PRRC2C: variants seen among roughly 807,000 people sequenced by gnomAD.
PRRC2C encodes the protein protein PRRC2C.
In PRRC2C, 72 loss-of-function variants were observed where a neutral mutation model predicts 317.2. That is an observed-to-expected ratio of 0.23 (90% confidence interval 0.19 to 0.28). The LOEUF is 0.28. Among genes scored for constraint, PRRC2C ranks in the 10% least tolerant of loss-of-function variants. PRRC2C has a pLI of 1.00. For synonymous variants in PRRC2C, 1,296 were observed against 1,205.9 expected (o/e 1.07, Z -1.55); for missense variants, 3,074 against 3,459.7 (o/e 0.89, Z 2.80).
Position 171,532,552 on chromosome 1 carries a change from A to G in PRRC2C, c.1464A>G (p.Lys488=). 6.3e-7 allele frequency: 1 copy of G among 1,585,968 alleles called. No homozygotes were observed. The highest frequency in any genetic ancestry group is 1.2e-5 in the South Asian group (1 of 86,954). Residue 488 remains lysine (K), a synonymous_variant, in exon 12 of 35, where the codon AAA becomes AAG. Transcript: ENST00000647382. ...AGGCAGCTTGTGCGGAGAAACTGAA[A>G]CGATTGGATGAGAAGCTTGGCATCC... The part of the protein sequence containing the change: ...QRKAACAEKL[K]RLDEKLGILE...
chr1:171,573,997 T>C (rs1223842561), intron 24 of PRRC2C, among the ~76,000 whole-genome samples: 2 of 152,054 alleles, frequency 1.3e-5, no homozygotes, highest in Non-Finnish European at 1.5e-5. Context: ...AAAATTCTTA[T>C]AACCAAAATA....
At chr1:171,520,408 G>A (rs1050826329) in intron 6 of PRRC2C, among the ~76,000 whole-genome samples, 1 of 152,228 alleles carries the variant, frequency 6.6e-6, no homozygotes, top group Non-Finnish European at 1.5e-5. Flanking sequence ...GGATAGGAAA[G>A]AGGGGAAACC....
intron 23 of PRRC2C, among the ~76,000 whole-genome samples, chr1:171,570,115 T>C (rs1010521024): frequency 3.9e-5 from 6 of 152,170 alleles, no homozygotes; most frequent in African/African-American, 1.4e-4. Context: ...GCATTATAAA[T>C]GGTCATCAGT....
At chr1:171,501,239 C>G (rs1326710315) in intron 1 of PRRC2C, among the ~76,000 whole-genome samples, 1 of 151,112 alleles carries the variant, frequency 6.6e-6, no homozygotes, top group Non-Finnish European at 1.5e-5. Context: ...AAGCAGTCCT[C>G]CGTGCCTCAG....
chr1:171,506,303 A>G lies in PRRC2C; in HGVS notation c.-57-5729A>G, dbSNP rs187857905. 9.8e-5 allele frequency among the ~76,000 whole-genome samples: 15 copies of G among 152,296 alleles called. No homozygotes were observed. The East Asian group carries it at 1.9e-3, about 20-fold the overall frequency. On this transcript the variant is annotated intron_variant, in intron 1 of 34. Transcript: ENST00000647382. ...AGCTCTACTGCTTGCAGCATTTCCC[A>G]TGAGGATTCTGCTGTTATTCTGTTT...
At chr1:171,544,133 G>C (rs537395205) in intron 16 of PRRC2C, among the ~76,000 whole-genome samples, 1 of 151,608 alleles carries the variant, frequency 6.6e-6, no homozygotes, top group Admixed American at 6.6e-5. Context: ...TATTGAGGGC[G>C]TGGGTGAGGG....
chr1:171,531,640 G>T lies in PRRC2C; in HGVS notation c.1255-703G>T, dbSNP rs145615806. 2.2e-3 allele frequency among the ~76,000 whole-genome samples: 336 copies of T among 152,132 alleles called. 1 individual carries two copies. The highest frequency in any genetic ancestry group is 7.8e-3 in the African/African-American group (325 of 41,486). ...TAATTACTTTTATTGTTTTTGCATA[G>T]TTGCAAGCAGTGATTTTAAAACCTG... is the stretch of plus-strand genomic sequence containing the variant. On this transcript the variant is annotated intron_variant, in intron 11 of 34. Transcript: ENST00000647382.
At chr1:171,546,357 C>T (rs1021744287) in intron 17 of PRRC2C, among the ~76,000 whole-genome samples, 2 of 152,142 alleles carry the variant, frequency 1.3e-5, no homozygotes, top group Non-Finnish European at 2.9e-5. Context: ...AAGTTAAGAC[C>T]AGATAGCTCA....
chr1:171,586,661 A>C (rs1262938989), intron 30 of PRRC2C, among the ~76,000 whole-genome samples: 1 of 150,280 alleles, frequency 6.7e-6, no homozygotes, highest in African/African-American at 2.5e-5. Flanking sequence ...GCTCACTGCA[A>C]CCTCCCCCTC....
intron 16 of PRRC2C, among the ~76,000 whole-genome samples, chr1:171,544,714 GA>G (rs1385226834): frequency 6.6e-6 from 1 of 152,166 alleles, no homozygotes; most frequent in African/African-American, 2.4e-5. Flanking sequence ...TGAACCTGTA[GA>G]AATGGCAGTG....
intron 13 of PRRC2C, 108 bp downstream of exon 13, chr1:171,535,705 C>A: frequency 7.7e-7 from 1 of 1,294,038 alleles, no homozygotes; most frequent in Non-Finnish European, 1.1e-6. Flanking sequence ...CACAAAGTTC[C>A]CTTGAAATTA....
At chr1:171,556,724 G>A (rs1436715038) in intron 18 of PRRC2C, among the ~76,000 whole-genome samples, 2 of 152,170 alleles carry the variant, frequency 1.3e-5, no homozygotes, top group Non-Finnish European at 1.5e-5. Flanking sequence ...GCCTACAAAA[G>A]TATCTATTGT....
At chr1:171,524,174 C>A (rs1396157822) in intron 9 of PRRC2C, among the ~76,000 whole-genome samples, 5 of 152,160 alleles carry the variant, frequency 3.3e-5, no homozygotes, top group African/African-American at 1.2e-4. Context: ...CCCTGGGTTA[C>A]TACAGCTTTT....
At chr1:171,564,292 TTG>T (rs1358879112) in intron 20 of PRRC2C, among the ~76,000 whole-genome samples, 1 of 152,186 alleles carries the variant, frequency 6.6e-6, no homozygotes, top group Non-Finnish European at 1.5e-5. Context: ...TTATCATTCT[TTG>T]TGTTATGTAT....
rs1270762674 is a variant in PRRC2C, at chr1:171,568,319, G to A, written c.6631G>A (p.Glu2211Lys). The change falls in exon 23 of 35, where the codon GAG (glutamate) becomes AAG (lysine). Residue 2211 changes from glutamate (E) to lysine (K), a missense_variant. Physicochemically the swap from Glu to Lys is moderately conservative, Grantham distance 56. Around this residue, in one of 11 missense-constraint regions of PRRC2C, gnomAD observed 640 missense variants for 676.1 expected, o/e 0.95. Coordinates refer to ENST00000647382, the MANE Select transcript of PRRC2C (RefSeq NM_001387844.1). ...NTVATNNTKM[E>K]DTLVNNVPLP... ...CGTGGCTACTAATAATACAAAGATG[G>A]AGGATACTTTGGTTAATAATGTAAG... is the stretch of plus-strand genomic sequence containing the variant. 2 of 1,604,940 alleles carry A rather than the reference G, an allele frequency of 1.2e-6. No individual in the cohort carries two copies. The highest frequency in any genetic ancestry group is 1.7e-5 in the Admixed American group (1 of 58,954).
At chr1:171,542,490 T>C (rs887564735) in intron 16 of PRRC2C, among the ~76,000 whole-genome samples, 7 of 152,226 alleles carry the variant, frequency 4.6e-5, no homozygotes, top group African/African-American at 1.2e-4. Context: ...AATGTTCACA[T>C]CTAAGGAGGG....
Position 171,512,041 on chromosome 1 carries a change from T to G in PRRC2C, c.-48T>G. ...TTATGTACATCTTAAGGACTGGGGT[T>G]TTAAGGGGTGTGGCAGGAGGTTTTG... On this transcript the variant is annotated 5_prime_UTR_variant, in exon 2 of 35. Transcript: ENST00000647382. 9.2e-7 allele frequency: 1 copy of G among 1,091,424 alleles called. No homozygotes were observed. Among genetic ancestry groups the G allele is most frequent in the Non-Finnish European group, 1.3e-6 (1 of 750,336 alleles). The allele number at this position is 1,091,424 out of a possible 1,614,324, so 67.6% of individuals were successfully genotyped here.
intron 26 of PRRC2C, among the ~76,000 whole-genome samples, chr1:171,578,697 G>A (rs1275116718): frequency 3.3e-5 from 5 of 152,030 alleles, no homozygotes; most frequent in South Asian, 2.1e-4. Flanking sequence ...GTGAAACCAC[G>A]TCTCTACTAA....
chr1:171,506,278 A>T (rs1282423642), intron 1 of PRRC2C, among the ~76,000 whole-genome samples: 2 of 152,186 alleles, frequency 1.3e-5, no homozygotes, highest in Non-Finnish European at 2.9e-5. Context: ...TTAAGCATGT[A>T]GCTCTACTGC....
Sources: gnomAD v4.1 joint callset for allele counts (sites outside exome capture counted in the v4.1 genomes callset) on GRCh38, gnomAD v4.1.1 for gene constraint, gnomAD v4.1.1 regional missense constraint, MANE v1.5 for transcripts, NCBI Gene and HGNC (gene_info 2026-07-23, HGNC 2026-07-21) for gene names.